The following GALNTL6 variants were observed in gnomAD, a reference collection of about 807,000 sequenced individuals.
GALNTL6 encodes polypeptide N-acetylgalactosaminyltransferase-like 6.
In GALNTL6, 46 loss-of-function variants were observed where a neutral mutation model predicts 73.7. The observed-to-expected ratio is 0.62, with a 90% confidence interval of 0.49 to 0.80. The LOEUF is 0.80. GALNTL6 is among the 30% of genes least tolerant of loss of function. The pLI is 0.00. For synonymous variants in GALNTL6, 259 were observed against 263.7 expected, an observed-to-expected ratio of 0.98 and a Z score of 0.17; for missense variants, 604 against 755.0, an observed-to-expected ratio of 0.80 and a Z score of 2.34.
At chr4:172,908,124 G>T (rs1427625179) in intron 8 of GALNTL6, among the ~76,000 whole-genome samples, 2 of 152,174 alleles carry the variant, frequency 1.3e-5, no homozygotes, top group Non-Finnish European at 2.9e-5. Context: ...AGGCAAAATG[G>T]AGCAGGAGGA....
chr4:172,672,979 G>C (rs368144884), intron 5 of GALNTL6, among the ~76,000 whole-genome samples: 34 of 152,034 alleles, frequency 2.2e-4, no homozygotes, highest in Middle Eastern at 3.4e-3. Context: ...TGAGCTTCTG[G>C]ATTAATTGAT....
chr4:171,899,049 A>C (rs975272794), intron 2 of GALNTL6, among the ~76,000 whole-genome samples: 2 of 65,880 alleles, frequency 3.0e-5, no homozygotes, highest in Non-Finnish European at 6.3e-5. Flanking sequence ...CATTTTGCCA[A>C]TGGAAATTGT....
At position 171,962,768 on chromosome 4, in the gene GALNTL6, T is replaced by TTTTG. The variant is rs1305429216; in HGVS notation, c.138+148053_138+148054insGTTT. Among the ~76,000 whole-genome samples, 115 of 139,186 alleles carry TTTTG rather than the reference T, an allele frequency of 8.3e-4. 1 individual carries two copies. The highest frequency in any genetic ancestry group is 2.7e-3 in the African/African-American group (101 of 37,474). The allele number at this position is 139,186 out of a possible 152,430, so 91.3% of individuals were successfully genotyped here. A position where few individuals can be genotyped will look rare whatever the true frequency, so the allele number is the denominator to read the frequency against. On this transcript the variant is annotated intron_variant, in intron 2 of 12. Transcript: ENST00000506823. ...TTTCTTAATAAGCTTGCTTTTACTT[T>TTTTG]TTTTTTTTTTTTTTTGTGAGATGAT...
chr4:172,718,224 A>C (rs914392543), intron 5 of GALNTL6, among the ~76,000 whole-genome samples: 12 of 152,238 alleles, frequency 7.9e-5, no homozygotes, highest in Non-Finnish European at 1.6e-4. Context: ...ACTTTAAAAG[A>C]GTGAAGATGT....
chr4:171,929,756 C>G (rs1484251299), intron 2 of GALNTL6, among the ~76,000 whole-genome samples: 1 of 152,190 alleles, frequency 6.6e-6, no homozygotes, highest in Non-Finnish European at 1.5e-5. Flanking sequence ...CTGAAAGGGG[C>G]CCTGCCTTCC....
intron 7 of GALNTL6, among the ~76,000 whole-genome samples, chr4:172,838,395 C>G (rs1743025392): frequency 6.6e-6 from 1 of 152,142 alleles, no homozygotes; most frequent in Admixed American, 6.5e-5. Flanking sequence ...CAGGGATGTC[C>G]CAGGGTCAGC....
chr4:172,073,898 A>C (rs1731628468), intron 2 of GALNTL6, among the ~76,000 whole-genome samples: 1 of 152,222 alleles, frequency 6.6e-6, no homozygotes, highest in Non-Finnish European at 1.5e-5. Context: ...ATCAAGCCTT[A>C]TGTTAAGGAG....
At chr4:173,013,247 G>A (rs1293900396) in intron 11 of GALNTL6, among the ~76,000 whole-genome samples, 1 of 152,142 alleles carries the variant, frequency 6.6e-6, no homozygotes, top group Non-Finnish European at 1.5e-5. Context: ...GGTAAGGCTG[G>A]CATCTAGAGT....
At chr4:172,106,387 C>A (rs1394066040) in intron 2 of GALNTL6, among the ~76,000 whole-genome samples, 1 of 152,012 alleles carries the variant, frequency 6.6e-6, no homozygotes, top group Admixed American at 6.6e-5. Context: ...ACTAAAATAT[C>A]TTTGTGATAG....
chr4:172,544,959 T>A (rs775977543), intron 5 of GALNTL6, among the ~76,000 whole-genome samples: 1 of 152,194 alleles, frequency 6.6e-6, no homozygotes, highest in Non-Finnish European at 1.5e-5. Context: ...CTGCAAATTA[T>A]CCCAGGTTTT....
intron 3 of GALNTL6, among the ~76,000 whole-genome samples, chr4:172,264,286 A>G (rs1738358776): frequency 6.6e-6 from 1 of 151,146 alleles, no homozygotes; most frequent in Non-Finnish European, 1.5e-5. Flanking sequence ...TCTCATTTCT[A>G]CTTCCATTTT....
chr4:172,967,132 G>A (rs1045117536), intron 10 of GALNTL6, among the ~76,000 whole-genome samples: 40 of 152,184 alleles, frequency 2.6e-4, no homozygotes, highest in African/African-American at 9.4e-4. Context: ...GGAGATGCAG[G>A]AATTAACGTT....
At chr4:172,213,239 G>A (rs1736390968) in intron 2 of GALNTL6, among the ~76,000 whole-genome samples, 1 of 152,094 alleles carries the variant, frequency 6.6e-6, no homozygotes, top group Non-Finnish European at 1.5e-5. Flanking sequence ...AAATAAAGCT[G>A]CTATAAACAT....
chr4:172,530,039 GC>G (rs1735118374), intron 5 of GALNTL6, among the ~76,000 whole-genome samples: 1 of 151,760 alleles, frequency 6.6e-6, no homozygotes, highest in African/African-American at 2.4e-5. Flanking sequence ...ACCACGCCTG[GC>G]CCCCTAATTC....
At chr4:172,888,696 C>T (rs1267382609) in intron 8 of GALNTL6, among the ~76,000 whole-genome samples, 1 of 152,072 alleles carries the variant, frequency 6.6e-6, no homozygotes, top group Non-Finnish European at 1.5e-5. Flanking sequence ...AATGTGGTAC[C>T]TCCGGCTCTG....
intron 5 of GALNTL6, among the ~76,000 whole-genome samples, chr4:172,523,631 C>A (rs1734857452): frequency 6.6e-6 from 1 of 152,078 alleles, no homozygotes; most frequent in Non-Finnish European, 1.5e-5. Flanking sequence ...TCCCAAAATG[C>A]TGGGATTACA....
intron 10 of GALNTL6, among the ~76,000 whole-genome samples, chr4:172,990,303 G>A (rs1751481093): frequency 6.6e-6 from 1 of 152,100 alleles, no homozygotes; most frequent in African/African-American, 2.4e-5. Context: ...TGATAAATTA[G>A]GTAGAGAAAG....
At chr4:172,529,006 TAC>T (rs1554032890) in intron 5 of GALNTL6, among the ~76,000 whole-genome samples, 1 of 31,676 alleles carries the variant, frequency 3.2e-5, no homozygotes, top group African/African-American at 1.1e-4. Flanking sequence ...TATATATATA[TAC>T]ACACACACAC....
intron 3 of GALNTL6, among the ~76,000 whole-genome samples, chr4:172,262,248 G>A (rs1488391340): frequency 6.6e-6 from 1 of 151,274 alleles, no homozygotes; most frequent in Non-Finnish European, 1.5e-5. Flanking sequence ...CTATAATTGG[G>A]TTGCCATCTA....
Sources: gnomAD v4.1 joint callset for allele counts (sites outside exome capture counted in the v4.1 genomes callset) on GRCh38, gnomAD v4.1.1 for gene constraint, MANE v1.5 for transcripts, NCBI Gene and HGNC (gene_info 2026-07-23, HGNC 2026-07-21) for gene names.